Variants in SMOC2 observed in about 807,000 individuals in gnomAD.
SMOC2 encodes the protein SPARC-related modular calcium-binding protein 2.
A neutral mutation model predicts 61.4 loss-of-function variants in SMOC2; 39 were observed. The observed-to-expected ratio is 0.64, with a 90% CI of 0.49 to 0.83. SMOC2 has a LOEUF of 0.83. SMOC2 is among the 40% of genes least tolerant of loss of function. The pLI is 0.00. For synonymous variants in SMOC2, 247 were observed against 239.9 expected (o/e 1.03, Z -0.27); for missense variants, 556 against 592.9 (o/e 0.94, Z 0.65).
chr6:168,639,134 T>C (rs1786824182), intron 9 of SMOC2, among the ~76,000 whole-genome samples: 1 of 152,224 alleles, frequency 6.6e-6, no homozygotes, highest in African/African-American at 2.4e-5. Flanking sequence ...GCGTCCTTTG[T>C]TCAGATGCAG....
chr6:168,524,580 C>G (rs143596643), intron 2 of SMOC2, among the ~76,000 whole-genome samples: 1 of 152,200 alleles, frequency 6.6e-6, no homozygotes, highest in Non-Finnish European at 1.5e-5. Flanking sequence ...ATCTGTACCT[C>G]GTGGAGACCT....
chr6:168,485,383 G>A (rs1782306805), intron 1 of SMOC2, among the ~76,000 whole-genome samples: 1 of 152,112 alleles, frequency 6.6e-6, no homozygotes, highest in Non-Finnish European at 1.5e-5. Context: ...AATGTTCACA[G>A]CAACATTATT....
Position 168,509,939 on chromosome 6 carries a change from G to T in SMOC2, c.109G>T (p.Asp37Tyr), listed in dbSNP as rs935156908. ...GTTTTTGAGAGTGGATCAAGATAAA[G>T]ACAAGGATTGTAGCTTGGACTGTGC... is the stretch of plus-strand genomic sequence containing the variant. ...LTFLRVDQDK[D>Y]KDCSLDCAGS... Residue 37 changes from aspartate (D) to tyrosine (Y), a missense_variant, in exon 2 of 13, where the codon GAC (aspartate) becomes TAC (tyrosine). Coordinates refer to ENST00000356284, the MANE Select transcript of SMOC2 (RefSeq NM_001166412.2). 1 of 1,607,962 alleles carries T rather than the reference G, an allele frequency of 6.2e-7. No homozygotes were observed. The highest frequency in any genetic ancestry group is 8.5e-7 in the Non-Finnish European group (1 of 1,175,626).
At chr6:168,464,225 GGAAGA>G (rs1325361450) in intron 1 of SMOC2, among the ~76,000 whole-genome samples, 14 of 148,584 alleles carry the variant, frequency 9.4e-5, no homozygotes, top group African/African-American at 3.2e-4. Flanking sequence ...AAGGAAGGAA[GGAAGA>G]AAAGGAAGGA....
intron 1 of SMOC2, among the ~76,000 whole-genome samples, chr6:168,491,365 C>A (rs1283908310): frequency 6.6e-6 from 1 of 152,076 alleles, no homozygotes; most frequent in Non-Finnish European, 1.5e-5. Context: ...CCATAACATC[C>A]GAATCATGGG....
chr6:168,508,682 C>T (rs1443920359), intron 1 of SMOC2, among the ~76,000 whole-genome samples: 1 of 152,212 alleles, frequency 6.6e-6, no homozygotes, highest in Non-Finnish European at 1.5e-5. Flanking sequence ...TCTGCTGAAC[C>T]TCAACCCTAT....
intron 9 of SMOC2, among the ~76,000 whole-genome samples, chr6:168,619,475 A>G (rs1786191170): frequency 6.6e-6 from 1 of 152,232 alleles, no homozygotes; most frequent in African/African-American, 2.4e-5. Flanking sequence ...TATTGCAAAT[A>G]ATTCCTAACT....
At chr6:168,613,984 C>T (rs868477313) in intron 9 of SMOC2, among the ~76,000 whole-genome samples, 1 of 69,126 alleles carries the variant, frequency 1.4e-5, no homozygotes, top group Non-Finnish European at 3.0e-5. Context: ...CCTCTTCACA[C>T]CTACAGCCAG....
intron 9 of SMOC2, among the ~76,000 whole-genome samples, chr6:168,632,987 A>T (rs1191326600): frequency 2.0e-5 from 3 of 152,102 alleles, no homozygotes; most frequent in African/African-American, 7.2e-5. Flanking sequence ...TCCTTGGCTC[A>T]GCTCCCAGAA....
intron 7 of SMOC2, among the ~76,000 whole-genome samples, chr6:168,584,359 C>G (rs1784997521): frequency 1.3e-5 from 2 of 152,218 alleles, no homozygotes; most frequent in Non-Finnish European, 2.9e-5. Context: ...AAAACCTCCT[C>G]TTGCCAATAA....
chr6:168,545,124 T>C (rs1167091189), intron 5 of SMOC2, among the ~76,000 whole-genome samples: 1 of 152,072 alleles, frequency 6.6e-6, no homozygotes, highest in Non-Finnish European at 1.5e-5. Context: ...TCGACATTTG[T>C]AGAGAAAGGA....
intron 9 of SMOC2, among the ~76,000 whole-genome samples, chr6:168,622,381 A>T (rs1014488056): frequency 1.3e-5 from 2 of 151,978 alleles, no homozygotes; most frequent in African/African-American, 2.4e-5. Flanking sequence ...CGGATTCATG[A>T]ATTGTTCATT....
At chr6:168,532,610 G>A (rs1180022546) in intron 4 of SMOC2, among the ~76,000 whole-genome samples, 1 of 152,152 alleles carries the variant, frequency 6.6e-6, no homozygotes, top group African/African-American at 2.4e-5. Context: ...CCAAGAGCTG[G>A]TTCCTGGCAT....
At chr6:168,637,013 G>A (rs1450380566) in intron 9 of SMOC2, among the ~76,000 whole-genome samples, 1 of 147,784 alleles carries the variant, frequency 6.8e-6, no homozygotes, top group African/African-American at 2.5e-5. Context: ...CTCATTCCAA[G>A]TCCTCTCTGT....
chr6:168,608,997 A>G (rs1344713580), intron 9 of SMOC2, among the ~76,000 whole-genome samples: 5 of 152,186 alleles, frequency 3.3e-5, no homozygotes, highest in African/African-American at 9.7e-5. Flanking sequence ...TTCCTGTACT[A>G]TTTGTACTGT....
At chr6:168,646,375 T>C (rs1461803971) in intron 9 of SMOC2, among the ~76,000 whole-genome samples, 2 of 152,088 alleles carry the variant, frequency 1.3e-5, no homozygotes, top group African/African-American at 2.4e-5. Context: ...TGTGTTTGAG[T>C]TCCTTCAGGG....
At chr6:168,641,797 C>T (rs1449693845) in intron 9 of SMOC2, among the ~76,000 whole-genome samples, 1 of 152,204 alleles carries the variant, frequency 6.6e-6, no homozygotes, top group African/African-American at 2.4e-5. Flanking sequence ...TCTTTTCAGG[C>T]ACTGACTTCT....
rs1169594943 is a variant in SMOC2, at chr6:168,535,443, T to C, written c.463+7716T>C. On this transcript the variant is annotated intron_variant, in intron 4 of 12. Coordinates refer to ENST00000356284, the MANE Select transcript of SMOC2 (RefSeq NM_001166412.2). This position sits in a 1 kb window ranked among gnomAD's most constrained non-coding sequence, Gnocchi z 4.6. Reference sequence around the variant, plus strand: ...ATGTTGTGTGGCCCTTTAGCAAGAGTGATACAGCTGTACTCAGACATTTTT... The same window carrying C: ...ATGTTGTGTGGCCCTTTAGCAAGAGCGATACAGCTGTACTCAGACATTTTT... Among the ~76,000 whole-genome samples, 1 of 151,970 alleles carries C rather than the reference T, an allele frequency of 6.6e-6. No individual in the cohort carries two copies. The highest frequency in any genetic ancestry group is 1.5e-5 in the Non-Finnish European group (1 of 68,002).
At chr6:168,628,524 T>C (rs1026053883) in intron 9 of SMOC2, among the ~76,000 whole-genome samples, 2 of 152,214 alleles carry the variant, frequency 1.3e-5, no homozygotes, top group African/African-American at 4.8e-5. Context: ...AGCTTCCACA[T>C]TAGGAAACAG....
Sources: allele counts gnomAD v4.1 joint callset (sites outside exome capture counted in the v4.1 genomes callset), GRCh38; gene constraint gnomAD v4.1.1; non-coding constraint Gnocchi (gnomAD v3.1); transcripts MANE v1.5; gene names NCBI Gene and HGNC (gene_info 2026-07-23, HGNC 2026-07-21).